Variants in LOXHD1 observed in about 807,000 individuals in gnomAD.
The protein encoded by LOXHD1 is lipoxygenase homology domain-containing protein 1.
LOXHD1 carries 205 observed loss-of-function variants against 248.2 expected under a neutral mutation model. The observed-to-expected ratio is 0.83, with a 90% CI of 0.74 to 0.93. LOXHD1 has a LOEUF of 0.93. Among genes scored for constraint, LOXHD1 ranks in the 40% least tolerant of loss-of-function variants. The probability of loss-of-function intolerance (pLI) is 0.00; values close to 1 mark genes in which losing one functional copy is unlikely to be tolerated. For synonymous variants in LOXHD1, 1,113 were observed against 1,162.8 expected (o/e 0.96, Z 0.87); for missense variants, 2,930 against 2,971.6 (o/e 0.99, Z 0.33).
chr18:46,629,596 G>A (rs935512926), intron 4 of LOXHD1, among the ~76,000 whole-genome samples: 2 of 151,956 alleles, frequency 1.3e-5, no homozygotes, highest in Non-Finnish European at 1.5e-5. Flanking sequence ...TGTCAAGATC[G>A]GGTACACATC....
intron 2 of LOXHD1, among the ~76,000 whole-genome samples, chr18:46,644,484 A>G (rs328173): frequency 0.79 from 120,099 of 152,178 alleles, 47,449 homozygotes; most frequent in East Asian, 0.9. Flanking sequence ...TCGAGAGGCC[A>G]AGGCAGGAGA....
At chr18:46,618,664 C>T (rs1285063767) in intron 4 of LOXHD1, among the ~76,000 whole-genome samples, 1 of 152,200 alleles carries the variant, frequency 6.6e-6, no homozygotes, top group Non-Finnish European at 1.5e-5. Flanking sequence ...CCACCCTGAA[C>T]CAACCTCCAC....
At chr18:46,507,346 G>A (rs1007599317) in intron 36 of LOXHD1, among the ~76,000 whole-genome samples, 192 bp downstream of exon 36, 7 of 152,220 alleles carry the variant, frequency 4.6e-5, no homozygotes, top group African/African-American at 1.4e-4. Context: ...GGAGGAGGGA[G>A]GGAACCAGTC....
At position 46,541,958 on chromosome 18, in the gene LOXHD1, A is replaced by G; in HGVS notation, c.3749-18T>C. 6.5e-7 allele frequency: 1 copy of G among 1,545,954 alleles called. No individual in the cohort carries two copies. Among genetic ancestry groups the G allele is most frequent in the Non-Finnish European group, 8.7e-7 (1 of 1,143,614 alleles). On this transcript the variant is annotated intron_variant, in intron 24 of 40. Transcript: ENST00000642948. ...GGCCTTGCCTAGAGAGAGAGGAGAC[A>G]CAAAACCCATCAAGGACCTGAGCAG...
At chr18:46,502,354 C>T (rs1273632304) in intron 37 of LOXHD1, among the ~76,000 whole-genome samples, 2 of 152,068 alleles carry the variant, frequency 1.3e-5, no homozygotes, top group Non-Finnish European at 2.9e-5. Context: ...CAGGGGAAGC[C>T]ATCCAGGGAA....
At chr18:46,537,906 T>C (rs1189657729) in intron 26 of LOXHD1, among the ~76,000 whole-genome samples, 2 of 152,200 alleles carry the variant, frequency 1.3e-5, no homozygotes, top group Non-Finnish European at 2.9e-5. Context: ...ATGCCTCTAG[T>C]GTTCCCAAGT....
In LOXHD1 at chr18:46,477,749, T is replaced by C. The variant is rs1011521558; in HGVS notation, c.6545A>G (p.Asn2182Ser). ...CAGCTCCCGCTTGCCTGTGTCTCCG[T>C]TGGCCCCAAAGATGGTCACGAAGAC... ...ANVFVTIFGANGDTGKRELKQ... is the reference protein window; with the variant it reads ...ANVFVTIFGASGDTGKRELKQ... Residue 2182 changes from asparagine (N) to serine (S), a missense_variant, in exon 41 of 41, where the codon AAC becomes AGC. Coordinates refer to ENST00000642948, the MANE Select transcript of LOXHD1 (RefSeq NM_001384474.1). 13 of 1,551,822 alleles carry C rather than the reference T, an allele frequency of 8.4e-6. No homozygotes were observed. Among genetic ancestry groups the C allele is most frequent in the African/African-American group, 8.2e-5 (6 of 73,074 alleles).
At chr18:46,627,529 G>C (rs2038759158) in intron 4 of LOXHD1, among the ~76,000 whole-genome samples, 1 of 152,166 alleles carries the variant, frequency 6.6e-6, no homozygotes, top group South Asian at 2.1e-4. Context: ...AAAAAAAAAG[G>C]CTATTTTAAA....
Position 46,477,488 on chromosome 18 carries a change from A to G in LOXHD1, c.6806T>C (p.Leu2269Pro). The change falls in exon 41 of 41, where the codon CTC (leucine) becomes CCC (proline). Residue 2269 changes from leucine (L) to proline (P), a missense_variant. Coordinates refer to ENST00000642948, the MANE Select transcript of LOXHD1 (RefSeq NM_001384474.1). The part of the protein sequence containing the change: ...KRGDGLTWRD[L>P]FPSV ...CCTAGCCCCTCAGACAGAAGGGAAG[A>G]GGTCTCTCCAGGTGAGTCCATCCCC... 1 of 1,547,106 alleles carries G rather than the reference A, an allele frequency of 6.5e-7. No homozygotes were observed. The highest frequency in any genetic ancestry group is 8.7e-7 in the Non-Finnish European group (1 of 1,144,220).
intron 7 of LOXHD1, 154 bp from the exon 8 acceptor site, chr18:46,601,621 A>G: frequency 9.9e-7 from 1 of 1,010,122 alleles, no homozygotes; most frequent in East Asian, 2.6e-5. Context: ...GATGCCACCT[A>G]ATGTCCCTCT....
intron 33 of LOXHD1, chr18:46,518,859 C>A: frequency 1.0e-6 from 1 of 984,522 alleles, no homozygotes; most frequent in African/African-American, 1.7e-5. Flanking sequence ...ATGAGGGGTG[C>A]CATCGGGAGT....
chr18:46,477,749 T>A lies in LOXHD1; in HGVS notation c.6545A>T (p.Asn2182Ile), dbSNP rs1011521558. The change falls in exon 41 of 41, where the codon AAC becomes ATC. Residue 2182 changes from asparagine (N) to isoleucine (I), a missense_variant. Coordinates refer to ENST00000642948, the MANE Select transcript of LOXHD1 (RefSeq NM_001384474.1). ...ANVFVTIFGANGDTGKRELKQ... is the reference protein window; with the variant it reads ...ANVFVTIFGAIGDTGKRELKQ... ...CAGCTCCCGCTTGCCTGTGTCTCCGTTGGCCCCAAAGATGGTCACGAAGAC... is the reference window on the plus strand; with the variant it reads ...CAGCTCCCGCTTGCCTGTGTCTCCGATGGCCCCAAAGATGGTCACGAAGAC... 1.9e-6 allele frequency: 3 copies of A among 1,551,940 alleles called. No individual in the cohort carries two copies. In the South Asian group the frequency reaches 3.6e-5, roughly 18 times the overall value.
intron 6 of LOXHD1, among the ~76,000 whole-genome samples, chr18:46,608,231 A>G (rs2038451859): frequency 2.0e-5 from 3 of 152,212 alleles, no homozygotes; most frequent in Non-Finnish European, 4.4e-5. Flanking sequence ...CTTGGCCTCA[A>G]TATCAAATTT....
At chr18:46,580,714 T>C (rs1005838105) in intron 12 of LOXHD1, among the ~76,000 whole-genome samples, 1 of 152,222 alleles carries the variant, frequency 6.6e-6, no homozygotes, top group Non-Finnish European at 1.5e-5. Context: ...GTAACTAAGA[T>C]AACACAGTGG....
chr18:46,504,097 T>A (rs1269029517), intron 37 of LOXHD1, among the ~76,000 whole-genome samples: 3 of 152,210 alleles, frequency 2.0e-5, no homozygotes, highest in Admixed American at 2.0e-4. Context: ...AAGGTTTCTA[T>A]TTGTTTGTTT....
chr18:46,494,643 C>T (rs2033710998), intron 37 of LOXHD1, among the ~76,000 whole-genome samples: 1 of 152,148 alleles, frequency 6.6e-6, no homozygotes, highest in Non-Finnish European at 1.5e-5. Context: ...GTTGCAGTCT[C>T]AGCATATCCA....
At chr18:46,628,948 G>A (rs895207594) in intron 4 of LOXHD1, among the ~76,000 whole-genome samples, 3 of 152,168 alleles carry the variant, frequency 2.0e-5, no homozygotes, top group Non-Finnish European at 2.9e-5. Flanking sequence ...ATGGAGAAGG[G>A]GAGTCCAGAG....
chr18:46,478,270 G>A (rs2032210116), intron 40 of LOXHD1, among the ~76,000 whole-genome samples: 1 of 151,892 alleles, frequency 6.6e-6, no homozygotes, highest in South Asian at 2.1e-4. Context: ...AGGCTGGTCT[G>A]GAACTCCTGA....
At chr18:46,522,433 G>C in intron 31 of LOXHD1, 124 bp from the exon 32 acceptor site, 1 of 746,228 alleles carries the variant, frequency 1.3e-6, no homozygotes, top group Non-Finnish European at 2.2e-6. Context: ...CAGAGACAAA[G>C]TGCAGTGAGC....
Sources: gnomAD v4.1 joint callset for allele counts (sites outside exome capture counted in the v4.1 genomes callset) on GRCh38, gnomAD v4.1.1 for gene constraint, MANE v1.5 for transcripts, NCBI Gene and HGNC (gene_info 2026-07-23, HGNC 2026-07-21) for gene names.